Variants in NRG3 observed in about 807,000 individuals in gnomAD.
NRG3 encodes neuregulin 3.
In NRG3, 31 loss-of-function variants were observed where a neutral mutation model predicts 66.9. That is an observed-to-expected ratio of 0.46 (90% confidence interval 0.35 to 0.63). The LOEUF is 0.63. Ranked by LOEUF, NRG3 falls within the 20% of genes least tolerant of loss-of-function variation. NRG3 has a pLI of 0.00. For missense variants in NRG3, 910 were observed against 878.9 expected (o/e 1.04, Z -0.45); for synonymous variants, 393 against 359.4 (o/e 1.09, Z -1.06).
chr10:82,268,831 G>A (rs1327662255), intron 1 of NRG3, among the ~76,000 whole-genome samples: 7 of 152,080 alleles, frequency 4.6e-5, no homozygotes, highest in South Asian at 2.1e-4. Flanking sequence ...CATCTCTAAG[G>A]AAGAGGATTG....
At chr10:82,039,831 C>T (rs752070445) in intron 1 of NRG3, among the ~76,000 whole-genome samples, 2 of 152,098 alleles carry the variant, frequency 1.3e-5, no homozygotes, top group Non-Finnish European at 1.5e-5. Context: ...TCTCTCCTGA[C>T]GCATCACTGC....
chr10:82,192,167 G>A (rs1480475621), intron 1 of NRG3, among the ~76,000 whole-genome samples: 1 of 152,094 alleles, frequency 6.6e-6, no homozygotes, highest in African/African-American at 2.4e-5. Flanking sequence ...CAGTAACTCA[G>A]TGCAACCCGT....
chr10:82,177,390 A>G (rs1564634577), intron 1 of NRG3, among the ~76,000 whole-genome samples: 2 of 152,158 alleles, frequency 1.3e-5, no homozygotes, highest in Non-Finnish European at 2.9e-5. Context: ...ATTATTTTTA[A>G]AAGAAAAGGT....
chr10:82,589,139 A>T (rs1040936070), intron 2 of NRG3, among the ~76,000 whole-genome samples: 4 of 152,088 alleles, frequency 2.6e-5, no homozygotes, highest in Non-Finnish European at 5.9e-5. Context: ...TCTCTCCCAG[A>T]TCCTGCTTGG....
chr10:82,227,747 A>G (rs1935659336), intron 1 of NRG3, among the ~76,000 whole-genome samples: 1 of 152,206 alleles, frequency 6.6e-6, no homozygotes, highest in Non-Finnish European at 1.5e-5. Context: ...GGCAGATGAC[A>G]TTGTAGGAAA....
chr10:82,985,509 A>G lies in NRG3; in HGVS notation c.1995A>G (p.Thr665=), dbSNP rs1262766891. Residue 665 remains threonine, a synonymous_variant, in exon 9 of 9, where the codon ACA becomes ACG. Coordinates refer to ENST00000372141, the MANE Select transcript of NRG3 (RefSeq NM_001010848.4). ...CCGAGGACAGTGCAAGCGAAAACAC[A>G]GCCTTTCTCCCCCTGAGTCCCACAG... ...VETEDSASEN[T]AFLPLSPTAK... 3 of 1,614,090 alleles carry G rather than the reference A, an allele frequency of 1.9e-6. No homozygotes were observed. The South Asian group carries it at 3.3e-5, about 18-fold the overall frequency.
intron 2 of NRG3, among the ~76,000 whole-genome samples, chr10:82,527,256 G>A (rs1466727525): frequency 6.6e-6 from 1 of 151,762 alleles, no homozygotes; most frequent in Non-Finnish European, 1.5e-5. Context: ...CAAATCTTGA[G>A]TAAATCAAGA....
At chr10:82,794,812 A>G (rs912379453) in intron 3 of NRG3, among the ~76,000 whole-genome samples, 97 of 152,276 alleles carry the variant, frequency 6.4e-4, no homozygotes, top group Middle Eastern at 3.4e-3. Flanking sequence ...CCATCGATCT[A>G]CACTCTAACT....
At chr10:82,107,314 T>G (rs6584530) in intron 1 of NRG3, among the ~76,000 whole-genome samples, 3 of 152,114 alleles carry the variant, frequency 2.0e-5, no homozygotes, top group Non-Finnish European at 4.4e-5. Flanking sequence ...CCAGACTGAA[T>G]AGAAAATGTA....
chr10:82,693,705 C>A (rs550162844), intron 2 of NRG3, among the ~76,000 whole-genome samples: 8 of 152,128 alleles, frequency 5.3e-5, no homozygotes, highest in Non-Finnish European at 1.0e-4. Flanking sequence ...TGTTACAGCT[C>A]TTAAAGGTGG....
chr10:82,566,500 C>T (rs778899803), intron 2 of NRG3, among the ~76,000 whole-genome samples: 33 of 151,234 alleles, frequency 2.2e-4, no homozygotes, highest in Middle Eastern at 6.8e-3. Flanking sequence ...CCAAAGAATC[C>T]GAAATTAATG....
intron 2 of NRG3, among the ~76,000 whole-genome samples, chr10:82,497,985 A>G (rs1333670279): frequency 1.3e-5 from 2 of 152,066 alleles, no homozygotes; most frequent in African/African-American, 2.4e-5. Context: ...TCTGCTGACT[A>G]GTGATGTTGC....
At chr10:82,218,381 T>C (rs895124979) in intron 1 of NRG3, among the ~76,000 whole-genome samples, 1 of 152,222 alleles carries the variant, frequency 6.6e-6, no homozygotes, top group African/African-American at 2.4e-5. Flanking sequence ...AAAATGTGTT[T>C]GTTAGCCAAT....
chr10:82,359,641 AT>A (rs1244325997), intron 2 of NRG3, among the ~76,000 whole-genome samples: 1 of 152,154 alleles, frequency 6.6e-6, no homozygotes, highest in Non-Finnish European at 1.5e-5. Context: ...CCAAGCTTTC[AT>A]TTCCAGTATT....
Position 82,209,822 on chromosome 10 carries a change from G to A in NRG3, c.824-148917G>A, listed in dbSNP as rs77755715. 4.5e-4 allele frequency among the ~76,000 whole-genome samples: 68 copies of A among 152,198 alleles called. 1 individual carries two copies. Among genetic ancestry groups the A allele is most frequent in the African/African-American group, 1.6e-3 (68 of 41,544 alleles). ...TAAAAACCTTTCAGTTTTGCAGTGT[G>A]TCACAAGTCTGTGTAAGCTGCAGCT... On this transcript the variant is annotated intron_variant, in intron 1 of 8. Coordinates refer to ENST00000372141, the MANE Select transcript of NRG3 (RefSeq NM_001010848.4).
chr10:82,154,437 C>T (rs1230469795), intron 1 of NRG3, among the ~76,000 whole-genome samples: 1 of 151,726 alleles, frequency 6.6e-6, no homozygotes, highest in Non-Finnish European at 1.5e-5. Flanking sequence ...TTATATTTCT[C>T]TTTTTATGCC....
chr10:82,057,286 A>T (rs2133198850), intron 1 of NRG3, among the ~76,000 whole-genome samples: 1 of 145,244 alleles, frequency 6.9e-6, no homozygotes, highest in African/African-American at 2.5e-5. Context: ...CGTATGTATA[A>T]TTTTGTTAGT....
intron 3 of NRG3, among the ~76,000 whole-genome samples, chr10:82,764,628 GCTCCCAAAGTA>G (rs1382981724): frequency 2.0e-5 from 3 of 151,184 alleles, no homozygotes; most frequent in Admixed American, 6.6e-5. Context: ...CTCCCAAAGT[GCTCCCAAAGTA>G]CTCCCAAAGT....
At chr10:82,431,046 C>G (rs1012387225) in intron 2 of NRG3, among the ~76,000 whole-genome samples, 1 of 152,112 alleles carries the variant, frequency 6.6e-6, no homozygotes, top group Non-Finnish European at 1.5e-5. Flanking sequence ...TCCTTATTTT[C>G]CTGATATTTA....
Sources: allele counts gnomAD v4.1 joint callset (sites outside exome capture counted in the v4.1 genomes callset), GRCh38; gene constraint gnomAD v4.1.1; transcripts MANE v1.5; gene names NCBI Gene and HGNC (gene_info 2026-07-23, HGNC 2026-07-21).